The following GPHN variants were observed in gnomAD, a reference collection of about 807,000 sequenced individuals.
GPHN encodes the protein gephyrin.
GPHN carries 17 observed loss-of-function variants against 95.5 expected under a neutral mutation model. The observed-to-expected ratio is 0.18, with a 90% CI of 0.12 to 0.27. The LOEUF (loss-of-function observed/expected upper bound fraction) is 0.27. Among genes scored for constraint, GPHN ranks in the 10% least tolerant of loss-of-function variants. The pLI, the probability that GPHN is intolerant of heterozygous loss-of-function variation, is 1.00. For synonymous variants in GPHN, 320 were observed against 322.5 expected (o/e 0.99, Z 0.08); for missense variants, 660 against 978.1 (o/e 0.67, Z 4.34).
At chr14:67,234,816 C>G in the GPHN span, among the ~76,000 whole-genome samples, 2 of 150,624 alleles carry the variant, frequency 1.3e-5, no homozygotes, top group South Asian at 4.3e-4. Flanking sequence ...TCCCAAAGTG[C>G]TATGCTAACA....
intron 17 of GPHN, among the ~76,000 whole-genome samples, chr14:67,125,563 G>C (rs1221163635): frequency 2.0e-5 from 3 of 152,206 alleles, no homozygotes; most frequent in African/African-American, 7.2e-5. Context: ...GATCACCTGA[G>C]ATCAAGAGCT....
intron 10 of GPHN, among the ~76,000 whole-genome samples, chr14:67,026,951 A>G (rs900054290): frequency 1.3e-5 from 2 of 152,156 alleles, no homozygotes; most frequent in Non-Finnish European, 2.9e-5. Flanking sequence ...CTTATAGCCC[A>G]CATTTTTAAC....
intron 1 of GPHN, among the ~76,000 whole-genome samples, chr14:66,601,403 C>A (rs1403613045): frequency 2.0e-5 from 3 of 152,028 alleles, no homozygotes; most frequent in Admixed American, 2.0e-4. Context: ...AGGAGATGAA[C>A]TATTTCAGAA....
chr14:67,505,283 T>G, the GPHN span, among the ~76,000 whole-genome samples: 1 of 152,180 alleles, frequency 6.6e-6, no homozygotes, highest in Admixed American at 6.5e-5. Flanking sequence ...TATCTCACCC[T>G]GTCCCCATAG....
chr14:67,443,092 A>G, the GPHN span, among the ~76,000 whole-genome samples: 2 of 152,122 alleles, frequency 1.3e-5, no homozygotes, highest in South Asian at 4.1e-4. Flanking sequence ...ATGGTGGCAC[A>G]TGCCTGTAGT....
chr14:67,668,987 T>C, the GPHN span, among the ~76,000 whole-genome samples: 4,263 of 152,296 alleles, frequency 0.028, 213 homozygotes, highest in African/African-American at 0.098. Flanking sequence ...TATACAGGGC[T>C]GGTATTCTTA....
chr14:67,586,817 CAGAGCAGAACACTGGGCCTCCTT>C, the GPHN span: 3 of 1,455,070 alleles, frequency 2.1e-6, no homozygotes, highest in Non-Finnish European at 2.7e-6. Flanking sequence ...TAGAGCTAAC[CAGAGCAGAACACTGGGCCTCCTT>C]TTCTCAGAAG....
the GPHN span, chr14:67,412,123 C>T: frequency 2.3e-6 from 3 of 1,329,510 alleles, no homozygotes; most frequent in Non-Finnish European, 2.9e-6. Context: ...CTCCTCGGCA[C>T]CCGCGCAGCC....
the GPHN span, among the ~76,000 whole-genome samples, chr14:67,261,488 G>A: frequency 6.6e-6 from 1 of 152,192 alleles, no homozygotes; most frequent in African/African-American, 2.4e-5. Flanking sequence ...TACCCCAGGA[G>A]GATAGCTAAT....
At chr14:66,707,643 C>T (rs550984826) in intron 2 of GPHN, among the ~76,000 whole-genome samples, 1 of 152,260 alleles carries the variant, frequency 6.6e-6, no homozygotes, top group Non-Finnish European at 1.5e-5. Flanking sequence ...CGGAGGAGAA[C>T]AACACACACC....
intron 8 of GPHN, among the ~76,000 whole-genome samples, chr14:66,936,378 A>G (rs1253047785): frequency 6.6e-6 from 1 of 151,972 alleles, no homozygotes; most frequent in African/African-American, 2.4e-5. Flanking sequence ...TCCATCTCAA[A>G]AAAAAAAAGA....
chr14:67,438,860 CAAAA>C, the GPHN span, among the ~76,000 whole-genome samples: 1,476 of 56,014 alleles, frequency 0.026, 22 homozygotes, highest in African/African-American at 0.068. Context: ...GACTCCGTCT[CAAAA>C]AAAAAAAAAA....
At chr14:67,185,510 C>G (rs2083364312), downstream of GPHN, among the ~76,000 whole-genome samples, 1 of 152,178 alleles carries the variant, frequency 6.6e-6, no homozygotes, top group Non-Finnish European at 1.5e-5. Flanking sequence ...AAGCATGTTA[C>G]AAGTCTTTTT....
the GPHN span, among the ~76,000 whole-genome samples, chr14:67,459,107 C>A: frequency 6.6e-6 from 1 of 152,096 alleles, no homozygotes; most frequent in Non-Finnish European, 1.5e-5. Context: ...CCAGGCTGGT[C>A]TGGAACTCCT....
chr14:67,355,199 C>G, the GPHN span, among the ~76,000 whole-genome samples: 1 of 152,112 alleles, frequency 6.6e-6, no homozygotes, highest in African/African-American at 2.4e-5. Flanking sequence ...AAGATCCTAA[C>G]AGCAATCATT....
intron 1 of GPHN, among the ~76,000 whole-genome samples, chr14:66,573,529 T>G (rs557946496): frequency 6.6e-6 from 1 of 152,088 alleles, no homozygotes; most frequent in East Asian, 1.9e-4. Flanking sequence ...CTTGGCTCAT[T>G]GCAACCTCTG....
chr14:67,494,854 G>A, the GPHN span, among the ~76,000 whole-genome samples: 1 of 152,324 alleles, frequency 6.6e-6, no homozygotes, highest in East Asian at 1.9e-4. Flanking sequence ...ATTCAGGCCT[G>A]TAATCCCAGC....
the GPHN span, among the ~76,000 whole-genome samples, chr14:67,300,865 T>A: frequency 2.1e-4 from 32 of 151,924 alleles, no homozygotes; most frequent in Admixed American, 3.9e-4. Context: ...TATAAAAAAA[T>A]TTATAAAATA....
chr14:67,460,530 C>G, the GPHN span, among the ~76,000 whole-genome samples: 2 of 152,240 alleles, frequency 1.3e-5, no homozygotes, highest in East Asian at 3.9e-4. Context: ...CAGTGAAACC[C>G]CCGTCTCTAC....
Sources: gnomAD v4.1 joint callset for allele counts (sites outside exome capture counted in the v4.1 genomes callset) on GRCh38, gnomAD v4.1.1 for gene constraint, MANE v1.5 for transcripts, NCBI Gene and HGNC (gene_info 2026-07-23, HGNC 2026-07-21) for gene names.